Variants in CHIC2 observed in about 807,000 individuals in gnomAD.
CHIC2 encodes the protein cysteine-rich hydrophobic domain-containing protein 2.
CHIC2 carries 14 observed loss-of-function variants against 25.9 expected under a neutral mutation model. That is an observed-to-expected ratio of 0.54 (90% confidence interval 0.36 to 0.85). The LOEUF is 0.85. Among genes scored for constraint, CHIC2 ranks in the 40% least tolerant of loss-of-function variants. The probability of loss-of-function intolerance (pLI) is 0.01; values close to 1 mark genes in which losing one functional copy is unlikely to be tolerated. For synonymous variants in CHIC2, 70 were observed against 72.0 expected, an observed-to-expected ratio of 0.97 and a Z score of 0.14; for missense variants, 146 against 202.0, an observed-to-expected ratio of 0.72 and a Z score of 1.68.
intron 1 of CHIC2, among the ~76,000 whole-genome samples, chr4:54,054,184 A>T (rs1029040818): frequency 6.6e-6 from 1 of 152,262 alleles, no homozygotes; most frequent in African/African-American, 2.4e-5. Flanking sequence ...TAAGTAAACA[A>T]GGAAATTTAG....
At chr4:54,030,523 GA>G (rs375404677) in intron 3 of CHIC2, among the ~76,000 whole-genome samples, 7,487 of 114,770 alleles carry the variant, frequency 0.065, 560 homozygotes, top group African/African-American at 0.2. Context: ...TATCTCAAAA[GA>G]AAAAAAAAAA....
intron 1 of CHIC2, among the ~76,000 whole-genome samples, chr4:54,052,731 G>A (rs73252928): frequency 0.026 from 3,942 of 152,204 alleles, 70 homozygotes; most frequent in Non-Finnish European, 0.037. Context: ...ATGTTGGCAA[G>A]AAGGTCAAGA....
At chr4:54,086,618 A>G in the CHIC2 span, among the ~76,000 whole-genome samples, 1 of 152,210 alleles carries the variant, frequency 6.6e-6, no homozygotes, top group Non-Finnish European at 1.5e-5. Context: ...AAAATAGAGC[A>G]TGGAAAAGGG....
intron 3 of CHIC2, among the ~76,000 whole-genome samples, chr4:54,028,957 T>C (rs1348211262): frequency 1.3e-5 from 2 of 152,068 alleles, no homozygotes; most frequent in Non-Finnish European, 2.9e-5. Flanking sequence ...ACCCCGTCTC[T>C]ACTAAAATAC....
At chr4:54,064,781 T>C, upstream of CHIC2, 2 of 423,420 alleles carry the variant, frequency 4.7e-6, no homozygotes, top group Non-Finnish European at 6.3e-6. This position sits in a 1 kb window ranked among gnomAD's most constrained non-coding sequence, Gnocchi z 4.2. Flanking sequence ...GTCTTTCCTC[T>C]GCTTCTACCC....
intron 1 of CHIC2, among the ~76,000 whole-genome samples, chr4:54,053,356 A>G (rs924954544): frequency 6.6e-6 from 1 of 152,140 alleles, no homozygotes; most frequent in African/African-American, 2.4e-5. Context: ...CAGGAGTTCG[A>G]GACCAACCTG....
chr4:54,054,484 TAC>T (rs1450470668), intron 1 of CHIC2, among the ~76,000 whole-genome samples: 3 of 152,234 alleles, frequency 2.0e-5, no homozygotes, highest in Non-Finnish European at 4.4e-5. Flanking sequence ...TCTTCTGAGT[TAC>T]AGTGATATTT....
chr4:54,038,587 T>C (rs1424516751), intron 3 of CHIC2, among the ~76,000 whole-genome samples: 1 of 152,216 alleles, frequency 6.6e-6, no homozygotes, highest in Admixed American at 6.5e-5. Context: ...TCCAATCAAA[T>C]ACCAGTGTTT....
At chr4:54,082,759 C>T in the CHIC2 span, among the ~76,000 whole-genome samples, 2 of 152,234 alleles carry the variant, frequency 1.3e-5, no homozygotes, top group East Asian at 1.9e-4. Context: ...GATAGACTCA[C>T]CAAAAGATTA....
At chr4:54,064,789 CCCGCAGACGGCGA>C (rs1717470061), upstream of CHIC2, 1 of 388,494 alleles carries the variant, frequency 2.6e-6, no homozygotes, top group Non-Finnish European at 3.5e-6. This position sits in a 1 kb window ranked among gnomAD's most constrained non-coding sequence, Gnocchi z 4.2. Flanking sequence ...TCTGCTTCTA[CCCGCAGACGGCGA>C]CCGGGGCGCG....
chr4:54,047,667 G>A (rs1220741375), intron 3 of CHIC2, among the ~76,000 whole-genome samples: 1 of 120,260 alleles, frequency 8.3e-6, no homozygotes. Context: ...GGGGAGGGGG[G>A]AGGGATAGCA....
intron 3 of CHIC2, among the ~76,000 whole-genome samples, chr4:54,019,042 C>A (rs1715821220): frequency 6.6e-6 from 1 of 151,618 alleles, no homozygotes; most frequent in Admixed American, 6.6e-5. Context: ...AAAACAATGT[C>A]TTTAGCTGTA....
chr4:54,072,630 G>C, the CHIC2 span, among the ~76,000 whole-genome samples: 5 of 152,286 alleles, frequency 3.3e-5, no homozygotes, highest in South Asian at 8.3e-4. Context: ...CTAGAACTAT[G>C]ACTTAGTTAT....
chr4:54,084,787 G>A, the CHIC2 span, among the ~76,000 whole-genome samples: 3 of 151,640 alleles, frequency 2.0e-5, no homozygotes, highest in Non-Finnish European at 4.4e-5. Flanking sequence ...AAAAATTAGA[G>A]TATACTCAAA....
At chr4:54,055,897 CA>C (rs1022256033) in intron 1 of CHIC2, among the ~76,000 whole-genome samples, 2 of 152,080 alleles carry the variant, frequency 1.3e-5, no homozygotes, top group Non-Finnish European at 2.9e-5. Flanking sequence ...ACAAAAGATA[CA>C]GAGACCCTGG....
the CHIC2 span, among the ~76,000 whole-genome samples, chr4:54,080,840 G>A: frequency 6.7e-6 from 1 of 150,170 alleles, no homozygotes; most frequent in Non-Finnish European, 1.5e-5. Context: ...GAAATTTACT[G>A]TGAGAGTAGA....
At chr4:54,013,229 TC>T (rs1288722296) in intron 5 of CHIC2, among the ~76,000 whole-genome samples, 1 of 152,104 alleles carries the variant, frequency 6.6e-6, no homozygotes, top group Non-Finnish European at 1.5e-5. Context: ...GTAAATTAAA[TC>T]CCATGCTGAG....
intron 3 of CHIC2, among the ~76,000 whole-genome samples, chr4:54,020,257 G>A (rs1456821000): frequency 6.6e-6 from 1 of 151,786 alleles, no homozygotes; most frequent in Non-Finnish European, 1.5e-5. Context: ...CTTTGTAATC[G>A]CCCCCACCCT....
chr4:54,015,116 C>G (rs1372557853), intron 3 of CHIC2, among the ~76,000 whole-genome samples: 2 of 152,042 alleles, frequency 1.3e-5, no homozygotes, highest in Non-Finnish European at 2.9e-5. Flanking sequence ...TTTAAAGTAT[C>G]TACTTTAAAT....
Sources: gnomAD v4.1 joint callset for allele counts (sites outside exome capture counted in the v4.1 genomes callset) on GRCh38, gnomAD v4.1.1 for gene constraint, Gnocchi (gnomAD v3.1) non-coding constraint, MANE v1.5 for transcripts, NCBI Gene and HGNC (gene_info 2026-07-23, HGNC 2026-07-21) for gene names.